Variants in PLEKHA3 observed in about 807,000 individuals in gnomAD.
The protein encoded by PLEKHA3 is pleckstrin homology domain-containing family A member 3.
A neutral mutation model predicts 39.2 loss-of-function variants in PLEKHA3; 19 were observed. The observed-to-expected ratio is 0.48, with a 90% CI of 0.34 to 0.71. PLEKHA3 has a LOEUF of 0.71. Among genes scored for constraint, PLEKHA3 ranks in the 30% least tolerant of loss-of-function variants. The pLI is 0.01. For missense variants in PLEKHA3, 253 were observed against 359.5 expected (o/e 0.70, Z 2.40); for synonymous variants, 97 against 118.6 (o/e 0.82, Z 1.18).
chr2:178,481,726 A>T (rs1246741869), intron 1 of PLEKHA3: 2 of 153,606 alleles, frequency 1.3e-5, no homozygotes, highest in African/African-American at 4.8e-5. Flanking sequence ...CCTCAGTCTG[A>T]TAAGGCCAGG....
chr2:178,483,150 T>C (rs1410832753), intron 1 of PLEKHA3, among the ~76,000 whole-genome samples: 1 of 152,096 alleles, frequency 6.6e-6, no homozygotes, highest in Non-Finnish European at 1.5e-5. Context: ...TCCTAGCTAC[T>C]TGGGAGGTTG....
chr2:178,502,983 T>C (rs1685549888), intron 7 of PLEKHA3, among the ~76,000 whole-genome samples: 2 of 152,070 alleles, frequency 1.3e-5, no homozygotes, highest in South Asian at 2.1e-4. Context: ...CCAGAAAGTA[T>C]ATATTTTGCA....
chr2:178,484,606 C>T (rs1399879429), intron 1 of PLEKHA3, among the ~76,000 whole-genome samples: 2 of 152,064 alleles, frequency 1.3e-5, no homozygotes, highest in Non-Finnish European at 2.9e-5. Context: ...CAAAAGTGAC[C>T]GGGATACGAA....
In PLEKHA3 at chr2:178,480,903, C is replaced by T; in HGVS notation, c.34C>T (p.Leu12Phe). ...GGTGTTGTACAAGTGGACCAACTAT[C>T]TCACAGGTATGGGGGCTCGTGTGAT... ...EGVLYKWTNY[L>F]TGWQPRWFVL... The change falls in exon 1 of 8, where the codon CTC becomes TTC. Residue 12 changes from leucine to phenylalanine, a missense_variant. Around this residue, in one of 2 missense-constraint regions of PLEKHA3, gnomAD observed 126 missense variants for 222.7 expected, o/e 0.57. Transcript: ENST00000234453. 7.6e-7 allele frequency: 1 copy of T among 1,313,308 alleles called. No individual in the cohort carries two copies. The highest frequency in any genetic ancestry group is 9.8e-7 in the Non-Finnish European group (1 of 1,021,814). The allele number at this position is 1,313,308 out of a possible 1,614,324, so 81.4% of individuals were successfully genotyped here.
At position 178,506,845 on chromosome 2, in the gene PLEKHA3, G is replaced by A. The variant is rs1685606625; in HGVS notation, c.*2958G>A. The A allele has an allele frequency of 6.6e-6, 1 of 152,126 alleles. No individual in the cohort carries two copies. The highest frequency in any genetic ancestry group is 2.1e-4 in the South Asian group (1 of 4,828). 9.4% of individuals were successfully genotyped at this position (152,126 alleles called of 1,614,324 possible). On this transcript the variant is annotated 3_prime_UTR_variant, in exon 8 of 8. Transcript: ENST00000234453. ...GGTCTGTCTTTTAATAACCCTGGCG[G>A]GTAAATGAATGGTAGGTAGCTGGTA... is the stretch of plus-strand genomic sequence containing the variant.
intron 5 of PLEKHA3, among the ~76,000 whole-genome samples, chr2:178,498,642 T>C (rs1156878816): frequency 2.0e-5 from 3 of 152,200 alleles, no homozygotes; most frequent in Non-Finnish European, 4.4e-5. Context: ...TTTTTAAATA[T>C]ATGTTTTGGA....
At chr2:178,481,667 A>G (rs901827921) in intron 1 of PLEKHA3, among the ~76,000 whole-genome samples, 1 of 152,180 alleles carries the variant, frequency 6.6e-6, no homozygotes, top group Non-Finnish European at 1.5e-5. Flanking sequence ...TTGTAGTCCA[A>G]TCTCTGCCAT....
chr2:178,508,336 C>T lies in PLEKHA3; in HGVS notation c.*4449C>T, dbSNP rs1410929104. 3 of 151,282 alleles carry T rather than the reference C, an allele frequency of 2.0e-5. No homozygotes were observed. The highest frequency in any genetic ancestry group is 2.0e-4 in the Admixed American group (3 of 15,188). The allele number at this position is 151,282 out of a possible 1,614,324, so 9.4% of individuals were successfully genotyped here. ...TTTTTCTGTTTCATTTCATAAAAAC[C>T]TATTTTTATTTTATAGATTAACTGT... On this transcript the variant is annotated 3_prime_UTR_variant, in exon 8 of 8. Transcript: ENST00000234453.
rs1685332765 is a variant in PLEKHA3, at chr2:178,490,892, CT to C, written c.313+82del. 3 of 1,078,760 alleles carry C rather than the reference CT, an allele frequency of 2.8e-6. No individual in the cohort carries two copies. In the African/African-American group the frequency reaches 4.8e-5, roughly 17 times the overall value. 66.8% of individuals were successfully genotyped at this position (1,078,760 alleles called of 1,614,324 possible). On this transcript the variant is annotated intron_variant, in intron 3 of 7. Transcript: ENST00000234453. ...AAATGTAACTAAATTAGCCTGTCCA[CT>C]TTTAGTATCTATCCCAAGGAAATAA...
Position 178,490,831 on chromosome 2 carries a change from C to T in PLEKHA3, c.313+17C>T. The T allele has an allele frequency of 1.9e-6, 3 of 1,586,658 alleles. No individual in the cohort carries two copies. The highest frequency in any genetic ancestry group is 2.6e-6 in the Non-Finnish European group (3 of 1,166,974). ...AAGAAAAAGGTAACTATAAACTTTT[C>T]CCTTGTGGTGAGAGTACTTTCTTAA... On this transcript the variant is annotated intron_variant, in intron 3 of 7. Coordinates refer to ENST00000234453, the MANE Select transcript of PLEKHA3 (RefSeq NM_019091.4).
At chr2:178,483,882 C>T (rs1210738043) in intron 1 of PLEKHA3, among the ~76,000 whole-genome samples, 2 of 152,126 alleles carry the variant, frequency 1.3e-5, no homozygotes, top group Non-Finnish European at 2.9e-5. Flanking sequence ...AATTTGAGAC[C>T]AGCCTGGGCA....
rs1241587197 is a variant in PLEKHA3, at chr2:178,510,629, C to T, written c.*6742C>T. ...CCAAATGTCTCTCCCTTCCAAAGGA[C>T]GTAGTGCTCTACATAGTGTTGGAAG... On this transcript the variant is annotated 3_prime_UTR_variant, in exon 8 of 8. Transcript: ENST00000234453. 2 of 153,764 alleles carry T rather than the reference C, an allele frequency of 1.3e-5. No homozygotes were observed. The highest frequency in any genetic ancestry group is 2.4e-5 in the African/African-American group (1 of 41,452). The allele number at this position is 153,764 out of a possible 1,614,324, so 9.5% of individuals were successfully genotyped here.
At chr2:178,497,293 C>G (rs752054419) in intron 5 of PLEKHA3, among the ~76,000 whole-genome samples, 29 of 151,908 alleles carry the variant, frequency 1.9e-4, no homozygotes, top group African/African-American at 6.5e-4. Context: ...TGCAGTGGCG[C>G]AATCTCAGCT....
intron 1 of PLEKHA3, 56 bp from the exon 2 acceptor site, chr2:178,485,585 A>T: frequency 9.6e-7 from 1 of 1,038,786 alleles, no homozygotes; most frequent in Non-Finnish European, 1.5e-6. Context: ...ACAGTTTTCT[A>T]TGTGGTGAAA....
In PLEKHA3 at chr2:178,499,209, A is replaced by G. The variant is rs200084017; in HGVS notation, c.616-2A>G. On this transcript the variant is annotated splice_acceptor_variant, in intron 5 of 7. Transcript: ENST00000234453. LOFTEE classifies it high-confidence loss of function. ...TTTTTTTTTTTTTTCCAAAATTTCTAGATGAAGCGTTCTGTCAGCCACCCT... is the reference window on the plus strand; with the variant it reads ...TTTTTTTTTTTTTTCCAAAATTTCTGGATGAAGCGTTCTGTCAGCCACCCT... 2.5e-5 allele frequency: 40 copies of G among 1,596,846 alleles called. No homozygotes were observed. Among genetic ancestry groups the G allele is most frequent in the Non-Finnish European group, 2.8e-5 (33 of 1,174,168 alleles).
Position 178,505,539 on chromosome 2 carries a change from G to A in PLEKHA3, c.*1652G>A, listed in dbSNP as rs1685589568. The A allele has an allele frequency of 6.6e-6, 1 of 151,118 alleles. No homozygotes were observed. Among genetic ancestry groups the A allele is most frequent in the Non-Finnish European group, 1.5e-5 (1 of 67,684 alleles). 9.4% of individuals were successfully genotyped at this position (151,118 alleles called of 1,614,324 possible). A position where few individuals can be genotyped will look rare whatever the true frequency, so the allele number is the denominator to read the frequency against. ...TGTAGTAAGTTATGACGTTGAGCAG[G>A]TAATCAGGTTTTTCTTGTTTTTTTT... On this transcript the variant is annotated 3_prime_UTR_variant, in exon 8 of 8. Transcript: ENST00000234453.
At position 178,499,232 on chromosome 2, in the gene PLEKHA3, C is replaced by T. The variant is rs1013821254; in HGVS notation, c.637C>T (p.Pro213Ser). 4.3e-6 allele frequency: 7 copies of T among 1,610,590 alleles called. No individual in the cohort carries two copies. In the African/African-American group the frequency reaches 8.0e-5, roughly 19 times the overall value. ...VQMMKRSVSH[P>S]GSCSSERSSH... is the part of the protein sequence containing the mutation. ...CTAGATGAAGCGTTCTGTCAGCCAC[C>T]CTGGTTCTTGCAGTTCAGAGAGGTA... The change falls in exon 6 of 8, where the codon CCT becomes TCT. Residue 213 changes from proline to serine, a missense_variant. By Grantham distance (74) the Pro-to-Ser change is moderately conservative. Transcript: ENST00000234453.
At chr2:178,499,856 G>A (rs975579896) in intron 6 of PLEKHA3, among the ~76,000 whole-genome samples, 2 of 152,126 alleles carry the variant, frequency 1.3e-5, no homozygotes, top group South Asian at 4.1e-4. Context: ...ATTAAGAGAC[G>A]CATGACTGTA....
At chr2:178,488,983 G>A in intron 2 of PLEKHA3, 1 of 457,492 alleles carries the variant, frequency 2.2e-6, no homozygotes, top group South Asian at 1.6e-5. Context: ...AACTTTGGAG[G>A]GGACCACCCT....
Sources: gnomAD v4.1 joint callset for allele counts (sites outside exome capture counted in the v4.1 genomes callset) on GRCh38, gnomAD v4.1.1 for gene constraint, gnomAD v4.1.1 regional missense constraint, MANE v1.5 for transcripts, NCBI Gene and HGNC (gene_info 2026-07-23, HGNC 2026-07-21) for gene names.